The following TMEM248 variants were observed in gnomAD, a reference collection of about 807,000 sequenced individuals.
TMEM248 encodes transmembrane protein 248.
In TMEM248, 9 loss-of-function variants were observed where a neutral mutation model predicts 30.3. The observed-to-expected ratio is 0.30, with a 90% CI of 0.18 to 0.52. The LOEUF is 0.52. Among genes scored for constraint, TMEM248 ranks in the 20% least tolerant of loss-of-function variants. The probability of loss-of-function intolerance (pLI) is 0.97; values close to 1 mark genes in which losing one functional copy is unlikely to be tolerated. For synonymous variants in TMEM248, 184 were observed against 154.4 expected, an observed-to-expected ratio of 1.19 and a Z score of -1.42; for missense variants, 338 against 403.3, an observed-to-expected ratio of 0.84 and a Z score of 1.39.
intron 1 of TMEM248, among the ~76,000 whole-genome samples, chr7:66,936,620 G>A (rs976053405): frequency 6.6e-5 from 10 of 152,160 alleles, no homozygotes; most frequent in African/African-American, 1.2e-4. Context: ...GATAGTTTAC[G>A]TAGGATTGGT....
chr7:66,951,628 A>G (rs79067162), intron 5 of TMEM248, among the ~76,000 whole-genome samples: 2,186 of 151,190 alleles, frequency 0.014, 58 homozygotes, highest in East Asian at 0.091. Flanking sequence ...ATACTTACCT[A>G]TCTCATCTAG....
At chr7:66,953,124 G>C (rs1792312267) in intron 5 of TMEM248, 102 bp from the exon 6 acceptor site, 1 of 1,323,318 alleles carries the variant, frequency 7.6e-7, no homozygotes. Context: ...AAAAGTTGTG[G>C]CAAGTCTGGA....
intron 5 of TMEM248, chr7:66,951,447 G>T: frequency 8.6e-6 from 2 of 231,900 alleles, no homozygotes; most frequent in Admixed American, 5.6e-5. Flanking sequence ...TATCTTAGAG[G>T]GATGTTCACA....
At chr7:66,949,267 A>C (rs924575365) in intron 4 of TMEM248, among the ~76,000 whole-genome samples, 1 of 152,154 alleles carries the variant, frequency 6.6e-6, no homozygotes. Context: ...TGGGCAGATC[A>C]CCTGAGGTCA....
intron 1 of TMEM248, among the ~76,000 whole-genome samples, chr7:66,931,689 G>T (rs1377833921): frequency 6.6e-6 from 1 of 151,680 alleles, no homozygotes. Context: ...TGTTGGCCAG[G>T]CTGGTTTCTA....
chr7:66,943,961 A>G (rs1487624038), intron 2 of TMEM248, among the ~76,000 whole-genome samples: 2 of 151,978 alleles, frequency 1.3e-5, no homozygotes, highest in Admixed American at 1.3e-4. Context: ...TGTCCAGCTA[A>G]TTTTTGTATT....
chr7:66,947,199 AGT>A (rs1384501505), intron 3 of TMEM248, among the ~76,000 whole-genome samples: 2 of 140,020 alleles, frequency 1.4e-5, no homozygotes, highest in East Asian at 4.6e-4. Context: ...TGGGCAATAG[AGT>A]GAGACCCTGT....
intron 1 of TMEM248, among the ~76,000 whole-genome samples, chr7:66,928,957 T>C (rs1209932292): frequency 6.6e-6 from 1 of 151,924 alleles, no homozygotes; most frequent in East Asian, 1.9e-4. Context: ...CCAGCTAAAT[T>C]TTGTATTCTT....
chr7:66,958,273 T>C lies in TMEM248; in HGVS notation c.*2751T>C, dbSNP rs1220097027. 6.5e-6 allele frequency: 1 copy of C among 152,684 alleles called. No homozygotes were observed. The highest frequency in any genetic ancestry group is 6.5e-5 in the Admixed American group (1 of 15,276). The allele number at this position is 152,684 out of a possible 1,614,324, so 9.5% of individuals were successfully genotyped here. ...TTCCTTTTTCCTTTTGTCCTTTCAC[T>C]GTATGACTTGAATCAGTTTTGATTC... is the stretch of plus-strand genomic sequence containing the variant. On this transcript the variant is annotated 3_prime_UTR_variant, in exon 7 of 7. Transcript: ENST00000341567.
rs1792406217 is a variant in TMEM248, at chr7:66,956,476, TTTC to T, written c.*960_*962del. On this transcript the variant is annotated 3_prime_UTR_variant, in exon 7 of 7. Transcript: ENST00000341567. ...AATGATTCTATCTAATAGGAAAGGATTTCTTCTTTCTTTTTTAAAGAGTGGGTG... is the reference window on the plus strand; with the variant it reads ...AATGATTCTATCTAATAGGAAAGGATTTCTTTCTTTTTTAAAGAGTGGGTG... The T allele has an allele frequency of 6.6e-6, 1 of 152,154 alleles. No homozygotes were observed. Among genetic ancestry groups the T allele is most frequent in the South Asian group, 2.1e-4 (1 of 4,824 alleles). 9.4% of individuals were successfully genotyped at this position (152,154 alleles called of 1,614,324 possible).
intron 4 of TMEM248, among the ~76,000 whole-genome samples, chr7:66,950,479 C>T (rs575627239): frequency 6.6e-6 from 1 of 152,288 alleles, no homozygotes; most frequent in Non-Finnish European, 1.5e-5. Context: ...CTTCCACTTC[C>T]GCCATGCTTG....
At chr7:66,925,208 G>A (rs1003803545) in intron 1 of TMEM248, among the ~76,000 whole-genome samples, 3 of 151,558 alleles carry the variant, frequency 2.0e-5, no homozygotes, top group Non-Finnish European at 4.4e-5. Context: ...TTTTGTAGAG[G>A]CAAGGTCTCA....
intron 1 of TMEM248, among the ~76,000 whole-genome samples, chr7:66,925,526 A>G (rs1739691053): frequency 6.6e-6 from 1 of 151,882 alleles, no homozygotes; most frequent in South Asian, 2.1e-4. Flanking sequence ...TTGTGCTTCT[A>G]TGCCTGGCTT....
intron 3 of TMEM248, 109 bp downstream of exon 3, chr7:66,945,370 C>T (rs1013872566): frequency 1.0e-5 from 13 of 1,244,950 alleles, no homozygotes; most frequent in East Asian, 7.0e-5. Context: ...TGTAGTCTTG[C>T]GCGTGTCTTT....
At chr7:66,939,793 C>G (rs1791901019) in intron 1 of TMEM248, among the ~76,000 whole-genome samples, 1 of 149,880 alleles carries the variant, frequency 6.7e-6, no homozygotes, top group South Asian at 2.1e-4. Flanking sequence ...TGTGCAAAAT[C>G]TCCGCTCTCG....
At chr7:66,950,694 T>C (rs917164123) in intron 4 of TMEM248, among the ~76,000 whole-genome samples, 2 of 152,242 alleles carry the variant, frequency 1.3e-5, no homozygotes, top group African/African-American at 4.8e-5. Context: ...GGCTGAATTC[T>C]GAAGGCAAAA....
chr7:66,922,611 G>C (rs1669880802), intron 1 of TMEM248, among the ~76,000 whole-genome samples: 1 of 152,084 alleles, frequency 6.6e-6, no homozygotes. Flanking sequence ...TGCTAGCACC[G>C]GAGTCTCAAT....
Position 66,945,326 on chromosome 7 carries a change from CGTGTAT to C in TMEM248, c.445+68_445+73del, listed in dbSNP as rs201660259. On this transcript the variant is annotated intron_variant, in intron 3 of 6. Transcript: ENST00000341567. ...CCACTGTTACAAAAAGAGGATGCAC[CGTGTAT>C]GTTTTTACTGACTATATTGTACTAG... 518 of 1,540,644 alleles carry C rather than the reference CGTGTAT, an allele frequency of 3.4e-4. 3 individuals are homozygous for C. The East Asian group carries it at 8.0e-3, about 24-fold the overall frequency.
chr7:66,924,508 G>A (rs1213233850), intron 1 of TMEM248, among the ~76,000 whole-genome samples: 1 of 152,248 alleles, frequency 6.6e-6, no homozygotes, highest in East Asian at 1.9e-4. Flanking sequence ...GGGTTCAAGC[G>A]ATTCTCCTGC....
Sources: allele counts gnomAD v4.1 joint callset (sites outside exome capture counted in the v4.1 genomes callset), GRCh38; gene constraint gnomAD v4.1.1; transcripts MANE v1.5; gene names NCBI Gene and HGNC (gene_info 2026-07-23, HGNC 2026-07-21).